EFNA5: variants seen among roughly 807,000 people sequenced by gnomAD.
EFNA5 encodes the protein ephrin A5, also known as ephrin-A5.
Under a neutral mutation model 22.9 loss-of-function variants are expected in EFNA5, and 5 were observed. The observed-to-expected ratio is 0.22, with a 90% confidence interval of 0.11 to 0.46. The LOEUF (loss-of-function observed/expected upper bound fraction) is 0.46, where lower values mean the gene tolerates loss of function less well. Ranked by LOEUF, EFNA5 falls within the 20% of genes least tolerant of loss-of-function variation. The probability of loss-of-function intolerance (pLI) is 0.99; values close to 1 mark genes in which losing one functional copy is unlikely to be tolerated. For synonymous variants in EFNA5, 113 were observed against 112.2 expected, an observed-to-expected ratio of 1.01 and a Z score of -0.04; for missense variants, 237 against 293.3, an observed-to-expected ratio of 0.81 and a Z score of 1.40.
At chr5:107,489,300 A>C (rs1746733973) in intron 1 of EFNA5, among the ~76,000 whole-genome samples, 1 of 151,928 alleles carries the variant, frequency 6.6e-6, no homozygotes, top group Non-Finnish European at 1.5e-5. Flanking sequence ...CAGCCTCTCT[A>C]GTAGCTGGGA....
chr5:107,648,868 A>G (rs1197226608), intron 1 of EFNA5, among the ~76,000 whole-genome samples: 1 of 152,204 alleles, frequency 6.6e-6, no homozygotes, highest in Non-Finnish European at 1.5e-5. Flanking sequence ...GTCCTCTTCA[A>G]AAGTTTACAC....
chr5:107,499,417 T>A (rs1484256699), intron 1 of EFNA5, among the ~76,000 whole-genome samples: 2 of 152,212 alleles, frequency 1.3e-5, no homozygotes, highest in African/African-American at 4.8e-5. Context: ...ATTCTATGAG[T>A]CCTTGTTTGT....
chr5:107,627,639 A>C (rs902509339), intron 1 of EFNA5, among the ~76,000 whole-genome samples: 7 of 150,716 alleles, frequency 4.6e-5, no homozygotes, highest in African/African-American at 1.5e-4. Context: ...ACATCTCAAA[A>C]AAAAAAAAAA....
chr5:107,536,809 A>G (rs1204182501), intron 1 of EFNA5, among the ~76,000 whole-genome samples: 1 of 152,226 alleles, frequency 6.6e-6, no homozygotes, highest in African/African-American at 2.4e-5. Flanking sequence ...TCAATAGGAT[A>G]AGAAGTAGAT....
At chr5:107,492,731 G>A (rs368252648) in intron 1 of EFNA5, among the ~76,000 whole-genome samples, 2 of 152,190 alleles carry the variant, frequency 1.3e-5, no homozygotes, top group Non-Finnish European at 2.9e-5. Context: ...GAGCACGGTG[G>A]ATCATGCCTG....
At chr5:107,665,462 CAT>C (rs1287561625) in intron 1 of EFNA5, among the ~76,000 whole-genome samples, 1 of 152,210 alleles carries the variant, frequency 6.6e-6, no homozygotes, top group African/African-American at 2.4e-5. Context: ...CCACAACACA[CAT>C]GACAACAAGA....
Position 107,604,115 on chromosome 5 carries a change from GATA to G in EFNA5, c.125+66371_125+66373del, listed in dbSNP as rs147298438. ...TTCTGCAATATGCATTTAAAAATCA[GATA>G]ATTATTGGACAGCTAAGCATCTATA... On this transcript the variant is annotated intron_variant, in intron 1 of 4. Coordinates refer to ENST00000333274, the MANE Select transcript of EFNA5 (RefSeq NM_001962.3). Among the ~76,000 whole-genome samples the G allele has an allele frequency of 9.4e-3, 1,427 of 152,228 alleles. 27 individuals carry two copies. Among genetic ancestry groups the G allele is most frequent in the African/African-American group, 0.032 (1,329 of 41,526 alleles).
intron 1 of EFNA5, among the ~76,000 whole-genome samples, chr5:107,495,307 G>A (rs1414500042): frequency 1.3e-5 from 2 of 152,120 alleles, no homozygotes; most frequent in South Asian, 2.1e-4. Context: ...GCCGCCTTAA[G>A]AGCTGTAACA....
At position 107,586,186 on chromosome 5, in the gene EFNA5, T is replaced by C. The variant is rs376239881; in HGVS notation, c.125+84303A>G. 8.5e-5 allele frequency among the ~76,000 whole-genome samples: 13 copies of C among 152,316 alleles called. No individual in the cohort carries two copies. The East Asian group carries it at 1.5e-3, about 18-fold the overall frequency. Reference sequence around the variant, plus strand: ...TTTGTTGTATTCAATCATGCTCAATTAAGAATAAAGCCTGCCTAAGTAAAA... The same window carrying C: ...TTTGTTGTATTCAATCATGCTCAATCAAGAATAAAGCCTGCCTAAGTAAAA... On this transcript the variant is annotated intron_variant, in intron 1 of 4. Transcript: ENST00000333274.
intron 1 of EFNA5, among the ~76,000 whole-genome samples, chr5:107,585,365 C>G (rs929881120): frequency 6.6e-6 from 1 of 152,148 alleles, no homozygotes; most frequent in African/African-American, 2.4e-5. Context: ...TCCTTATACC[C>G]TAAATTTCTT....
chr5:107,489,654 C>A (rs924025191), intron 1 of EFNA5, among the ~76,000 whole-genome samples: 1 of 117,516 alleles, frequency 8.5e-6, no homozygotes, highest in Non-Finnish European at 1.8e-5. Flanking sequence ...TGATTTGACC[C>A]CACCTACCCC....
At chr5:107,493,145 C>G (rs1395847621) in intron 1 of EFNA5, among the ~76,000 whole-genome samples, 1 of 151,772 alleles carries the variant, frequency 6.6e-6, no homozygotes, top group Non-Finnish European at 1.5e-5. Flanking sequence ...TACATAATGT[C>G]TCTCCAGAAT....
At position 107,427,441 on chromosome 5, in the gene EFNA5, T is replaced by C. The variant is rs2112421275; in HGVS notation, c.194A>G (p.Tyr65Cys). 1 of 1,613,928 alleles carries C rather than the reference T, an allele frequency of 6.2e-7. No individual in the cohort carries two copies. ...NDYLDVFCPHYEDSVPEDKTE... is the reference protein window; with the variant it reads ...NDYLDVFCPHCEDSVPEDKTE... ...CTTATCTTCTGGGACGGAGTCCTCA[T>C]AGTGAGGGCAGAAAACATCCAGGTA... The change falls in exon 2 of 5, where the codon TAT (tyrosine) becomes TGT (cysteine). Residue 65 changes from tyrosine (Y) to cysteine (C), a missense_variant. Physicochemically the swap from Tyr to Cys is radical, Grantham distance 194. This residue lies in a region of EFNA5 where 120 missense variants were observed against 140.5 expected (regional missense o/e 0.85). Transcript: ENST00000333274.
At chr5:107,467,585 G>A (rs144083250) in intron 1 of EFNA5, among the ~76,000 whole-genome samples, 344 of 152,282 alleles carry the variant, frequency 2.3e-3, no homozygotes, top group Non-Finnish European at 3.6e-3. Context: ...GGTGATATGC[G>A]CACATGGCAA....
intron 1 of EFNA5, among the ~76,000 whole-genome samples, chr5:107,629,407 A>G (rs1750197886): frequency 6.6e-6 from 1 of 152,208 alleles, no homozygotes; most frequent in South Asian, 2.1e-4. Context: ...GCTACTCTGT[A>G]TGATACTATA....
At position 107,378,798 on chromosome 5, in the gene EFNA5, C is replaced by T. The variant is rs922269640; in HGVS notation, c.*2457G>A. ...TTAGAGACAAATGCTAGGAAAACCA[C>T]AGAAGTCACCATTTCTAAAATGCAT... On this transcript the variant is annotated 3_prime_UTR_variant, in exon 5 of 5. Transcript: ENST00000333274. 6.6e-6 allele frequency: 1 copy of T among 152,166 alleles called. No homozygotes were observed. Among genetic ancestry groups the T allele is most frequent in the African/African-American group, 2.4e-5 (1 of 41,440 alleles). The allele number at this position is 152,166 out of a possible 1,614,324, so 9.4% of individuals were successfully genotyped here.
At chr5:107,401,020 A>G (rs1048026997) in intron 2 of EFNA5, among the ~76,000 whole-genome samples, 2 of 152,242 alleles carry the variant, frequency 1.3e-5, no homozygotes, top group African/African-American at 4.8e-5. Context: ...CATGTAGTAT[A>G]GTAAATAAAT....
chr5:107,477,949 A>G (rs1003591212), intron 1 of EFNA5, among the ~76,000 whole-genome samples: 1 of 152,220 alleles, frequency 6.6e-6, no homozygotes, highest in Non-Finnish European at 1.5e-5. Context: ...TAGAGGTAGC[A>G]TAACTGATTG....
chr5:107,659,668 CTA>C (rs200915003), intron 1 of EFNA5, among the ~76,000 whole-genome samples: 1,677 of 151,076 alleles, frequency 0.011, 11 homozygotes, highest in Middle Eastern at 0.027. Context: ...AATGAAAAAT[CTA>C]GAGCTAAGTA....
Sources: allele counts gnomAD v4.1 joint callset (sites outside exome capture counted in the v4.1 genomes callset), GRCh38; gene constraint gnomAD v4.1.1; regional missense constraint gnomAD v4.1.1; transcripts MANE v1.5; gene names NCBI Gene and HGNC (gene_info 2026-07-23, HGNC 2026-07-21).